RFX3: variants seen among roughly 807,000 people sequenced by gnomAD.
RFX3 encodes the protein regulatory factor X3.
In RFX3, 14 loss-of-function variants were observed where a neutral mutation model predicts 98.6. That is an observed-to-expected ratio of 0.14 (90% CI 0.09 to 0.22). The LOEUF is 0.22. Ranked by LOEUF, RFX3 falls within the 10% of genes least tolerant of loss-of-function variation. RFX3 has a pLI of 1.00. For synonymous variants in RFX3, 383 were observed against 328.4 expected, an observed-to-expected ratio of 1.17 and a Z score of -1.80; for missense variants, 639 against 926.9, an observed-to-expected ratio of 0.69 and a Z score of 4.03.
chr9:3,460,339 A>G (rs562035346), intron 1 of RFX3, among the ~76,000 whole-genome samples: 3 of 152,180 alleles, frequency 2.0e-5, no homozygotes, highest in East Asian at 3.9e-4. Context: ...ATCAACACCA[A>G]TTTAAGAACA....
At chr9:3,389,027 G>T (rs1193615241) in intron 2 of RFX3, among the ~76,000 whole-genome samples, 1 of 152,068 alleles carries the variant, frequency 6.6e-6, no homozygotes, top group Non-Finnish European at 1.5e-5. Flanking sequence ...AAATCTTAGA[G>T]CCATGGTCAA....
At position 3,277,387 on chromosome 9, in the gene RFX3, A is replaced by G. The variant is rs754902129; in HGVS notation, c.926T>C (p.Val309Ala). The G allele has an allele frequency of 1.1e-5, 17 of 1,612,764 alleles. No individual in the cohort carries two copies. Among genetic ancestry groups the G allele is most frequent in the Non-Finnish European group, 1.4e-5 (17 of 1,179,140 alleles). ...GCTTTGGGCAATTACAGTTTGCTCA[A>G]CAGATGTGCCTGTCTGTTGACCACT... ...TGSGQQTGTS[V>A]EQTVIAQSQH... is the part of the protein sequence containing the mutation. Residue 309 changes from valine (V) to alanine (A), a missense_variant, in exon 8 of 17, where the codon GTT becomes GCT. By Grantham distance (64) the Val-to-Ala change is moderately conservative. Around this residue, in one of 9 missense-constraint regions of RFX3, gnomAD observed 86 missense variants for 113.2 expected, o/e 0.76. Transcript: ENST00000617270.
intron 4 of RFX3, among the ~76,000 whole-genome samples, chr9:3,329,737 T>TTAA (rs897774862): frequency 2.6e-5 from 4 of 152,150 alleles, no homozygotes; most frequent in African/African-American, 7.2e-5. Context: ...ACATATTAAG[T>TTAA]TAATAATAAT....
chr9:3,384,459 G>C (rs1452643740), intron 2 of RFX3, among the ~76,000 whole-genome samples: 1 of 152,152 alleles, frequency 6.6e-6, no homozygotes, highest in Admixed American at 6.5e-5. Flanking sequence ...TCAAAAACAA[G>C]TTATTTAAAT....
intron 1 of RFX3, among the ~76,000 whole-genome samples, chr9:3,447,618 A>C (rs1650652107): frequency 6.6e-6 from 1 of 152,204 alleles, no homozygotes; most frequent in African/African-American, 2.4e-5. Flanking sequence ...CGACTTCTTA[A>C]CTTATCACAT....
At chr9:3,239,309 T>G (rs759677861) in intron 15 of RFX3, among the ~76,000 whole-genome samples, 1 of 152,244 alleles carries the variant, frequency 6.6e-6, no homozygotes, top group South Asian at 2.1e-4. Context: ...TACTTTTCTT[T>G]GTATGTGTAT....
chr9:3,357,307 C>G (rs569696127), intron 2 of RFX3, among the ~76,000 whole-genome samples: 2 of 151,878 alleles, frequency 1.3e-5, no homozygotes, highest in African/African-American at 2.4e-5. Flanking sequence ...ACCTTCTCAT[C>G]GCTTATATTG....
chr9:3,507,525 C>T (rs1817222163), intron 1 of RFX3, among the ~76,000 whole-genome samples: 1 of 151,858 alleles, frequency 6.6e-6, no homozygotes, highest in South Asian at 2.1e-4. Flanking sequence ...TGGCAGAGCT[C>T]GAATTCACAC....
intron 7 of RFX3, among the ~76,000 whole-genome samples, chr9:3,287,362 T>C (rs1563863762): frequency 6.6e-6 from 1 of 151,930 alleles, no homozygotes; most frequent in East Asian, 1.9e-4. Flanking sequence ...TTGGTTGAGC[T>C]ATGCTGGTAA....
intron 1 of RFX3, among the ~76,000 whole-genome samples, chr9:3,412,744 G>C (rs1289753623): frequency 6.6e-6 from 1 of 151,868 alleles, no homozygotes; most frequent in Admixed American, 6.6e-5. Context: ...AGAAAGAAAG[G>C]GAAACTTATA....
intron 2 of RFX3, among the ~76,000 whole-genome samples, chr9:3,360,813 T>C (rs1032843227): frequency 1.3e-5 from 2 of 152,186 alleles, no homozygotes; most frequent in African/African-American, 4.8e-5. Context: ...ATACAATATG[T>C]TATTTCGGAT....
rs57222273 is a variant in RFX3, at chr9:3,270,081, GGAAAGAAA to G, written c.1357+282_1357+289del. Among the ~76,000 whole-genome samples, 836 of 137,858 alleles carry G rather than the reference GGAAAGAAA, an allele frequency of 6.1e-3. 7 individuals carry two copies. Among genetic ancestry groups the G allele is most frequent in the African/African-American group, 9.1e-3 (309 of 33,814 alleles). 90.4% of individuals were successfully genotyped at this position (137,858 alleles called of 152,430 possible). On this transcript the variant is annotated intron_variant, in intron 11 of 16. Transcript: ENST00000617270. ...AGAAAAAAGAAAGAAAGAGAAAGAA[GGAAAGAAA>G]GAAAGAAAGAAAGAAAGAAAGAAAG...
chr9:3,504,956 ATTATATATAAT>A (rs1564186030), intron 1 of RFX3, among the ~76,000 whole-genome samples: 5 of 61,734 alleles, frequency 8.1e-5, no homozygotes, highest in African/African-American at 4.1e-4. Flanking sequence ...TATAATATAT[ATTATATATAAT>A]ATATATTATA....
chr9:3,511,020 G>A (rs1817618294), intron 1 of RFX3, among the ~76,000 whole-genome samples: 1 of 151,900 alleles, frequency 6.6e-6, no homozygotes, highest in Non-Finnish European at 1.5e-5. Flanking sequence ...TACTCAGTTT[G>A]TCTAGTGACT....
At chr9:3,524,261 T>C (rs1818998659) in intron 1 of RFX3, among the ~76,000 whole-genome samples, 2 of 152,158 alleles carry the variant, frequency 1.3e-5, no homozygotes, top group South Asian at 2.1e-4. Context: ...TCTGTAAAAC[T>C]GGGTTAACGT....
chr9:3,241,784 G>C (rs759940969), intron 15 of RFX3, among the ~76,000 whole-genome samples: 2 of 152,136 alleles, frequency 1.3e-5, no homozygotes, highest in Admixed American at 1.3e-4. Flanking sequence ...TTTTCCGGCA[G>C]ATTTAGTTTT....
intron 16 of RFX3, among the ~76,000 whole-genome samples, chr9:3,228,481 T>TC (rs1342664226): frequency 2.0e-5 from 3 of 152,218 alleles, no homozygotes; most frequent in African/African-American, 7.2e-5. Context: ...AGCCGAGGAA[T>TC]CTTTTTTCTT....
rs1491500921 is a variant in RFX3, at chr9:3,366,693, C to CCTTCCTTTCTTT, written c.118-19930_118-19929insAAAGAAAGGAAG. ...CTTTCTCTTTCTTTCTTCTTTCTTT[C>CCTTCCTTTCTTT]CTTTCTTTCTTTCTTTCTTTCTTTC... On this transcript the variant is annotated intron_variant, in intron 2 of 16. Coordinates refer to ENST00000617270, the MANE Select transcript of RFX3 (RefSeq NM_001282116.2). Among the ~76,000 whole-genome samples, 289 of 85,490 alleles carry CCTTCCTTTCTTT rather than the reference C, an allele frequency of 3.4e-3. 6 individuals carry two copies. Among genetic ancestry groups the CCTTCCTTTCTTT allele is most frequent in the Admixed American group, 7.7e-3 (60 of 7,774 alleles). 56.1% of individuals were successfully genotyped at this position (85,490 alleles called of 152,430 possible). A position where few individuals can be genotyped will look rare whatever the true frequency, so the allele number is the denominator to read the frequency against.
chr9:3,250,161 G>T (rs971926860), intron 14 of RFX3, among the ~76,000 whole-genome samples: 3 of 151,462 alleles, frequency 2.0e-5, no homozygotes, highest in Non-Finnish European at 3.0e-5. Context: ...TACTAAAAAA[G>T]CAAAAACAAC....
Sources: allele counts gnomAD v4.1 joint callset (sites outside exome capture counted in the v4.1 genomes callset), GRCh38; gene constraint gnomAD v4.1.1; regional missense constraint gnomAD v4.1.1; transcripts MANE v1.5; gene names NCBI Gene and HGNC (gene_info 2026-07-23, HGNC 2026-07-21).